F10: variants seen among roughly 807,000 people sequenced by gnomAD.
F10 encodes coagulation factor X, also known as Stuart-Prower factor.
In F10, 29 loss-of-function variants were observed where a neutral mutation model predicts 37.1. The observed-to-expected ratio is 0.78, with a 90% CI of 0.58 to 1.07. The LOEUF is 1.07. F10 is among the 50% of genes least tolerant of loss of function. The probability of loss-of-function intolerance (pLI) is 0.00; values close to 1 mark genes in which losing one functional copy is unlikely to be tolerated. For missense variants in F10, 539 were observed against 667.9 expected (o/e 0.81, Z 2.13); for synonymous variants, 262 against 268.6 (o/e 0.98, Z 0.24).
intron 4 of F10, among the ~76,000 whole-genome samples, chr13:113,140,073 C>CTT (rs11398393): frequency 0.4 from 50,232 of 125,142 alleles, 11,243 homozygotes; most frequent in East Asian, 0.51. Context: ...AATTGATCAT[C>CTT]TTTTTTTTTT....
At chr13:113,126,542 G>C (rs1225810053) in intron 1 of F10, among the ~76,000 whole-genome samples, 1 of 152,196 alleles carries the variant, frequency 6.6e-6, no homozygotes, top group Non-Finnish European at 1.5e-5. Flanking sequence ...GGCTCCAGTT[G>C]AGTGGGGACC....
At chr13:113,133,146 C>T (rs887068309) in intron 2 of F10, among the ~76,000 whole-genome samples, 8 of 151,552 alleles carry the variant, frequency 5.3e-5, no homozygotes, top group Non-Finnish European at 7.4e-5. Flanking sequence ...AAAAGAAAGA[C>T]GGTCTCAAAT....
At position 113,148,903 on chromosome 13, in the gene F10, T is replaced by C. The variant is rs1170093445; in HGVS notation, c.866-13T>C. ...CTGGCTGAGCTGAGCACAGTCCCACTCGTCTGTCCCAGGGGACCGGAACAC... is the reference window on the plus strand; with the variant it reads ...CTGGCTGAGCTGAGCACAGTCCCACCCGTCTGTCCCAGGGGACCGGAACAC... On this transcript the variant is annotated splice_polypyrimidine_tract_variant and intron_variant, in intron 7 of 7. Coordinates refer to ENST00000375559, the MANE Select transcript of F10 (RefSeq NM_000504.4). 6.2e-7 allele frequency: 1 copy of C among 1,612,032 alleles called. No individual in the cohort carries two copies. The highest frequency in any genetic ancestry group is 1.3e-5 in the African/African-American group (1 of 75,006).
At chr13:113,127,448 C>T (rs1233083238) in intron 1 of F10, among the ~76,000 whole-genome samples, 1 of 152,046 alleles carries the variant, frequency 6.6e-6, no homozygotes, top group East Asian at 1.9e-4. Context: ...AAAAAGACTA[C>T]AGAGGGCCAA....
rs2036560113 is a variant in F10, at chr13:113,144,218, A to G, written c.747+123A>G. 1 of 1,467,946 alleles carries G rather than the reference A, an allele frequency of 6.8e-7. No homozygotes were observed. The highest frequency in any genetic ancestry group is 1.4e-5 in the African/African-American group (1 of 72,130). 90.9% of individuals were successfully genotyped at this position (1,467,946 alleles called of 1,614,324 possible). On this transcript the variant is annotated intron_variant, in intron 6 of 7. Transcript: ENST00000375559. The surrounding 1 kb of genome is among the most constrained non-coding windows in gnomAD (Gnocchi z 6.4). ...AAGGAACTGTTCCGAACTAGGACAG[A>G]GGGGCTCCGCCACCCAAGCCTGCCT...
chr13:113,137,596 C>T (rs1272404949), intron 2 of F10, among the ~76,000 whole-genome samples: 1 of 152,162 alleles, frequency 6.6e-6, no homozygotes, highest in African/African-American at 2.4e-5. Context: ...ATTGTCGCAG[C>T]TTTGGAGACA....
rs2036525731 is a variant in F10, at chr13:113,141,297, C to T, written c.502+247C>T. Among the ~76,000 whole-genome samples, 5 of 152,238 alleles carry T rather than the reference C, an allele frequency of 3.3e-5. No homozygotes were observed. The highest frequency in any genetic ancestry group is 3.3e-4 in the Admixed American group (5 of 15,292). ...TGCTGTTTAACCTCAGCTTCCCCATCTGACAAATGGGACCAACACTATTGC... is the reference window on the plus strand; with the variant it reads ...TGCTGTTTAACCTCAGCTTCCCCATTTGACAAATGGGACCAACACTATTGC... On this transcript the variant is annotated intron_variant, in intron 5 of 7. Coordinates refer to ENST00000375559, the MANE Select transcript of F10 (RefSeq NM_000504.4). This position sits in a 1 kb window ranked among gnomAD's most constrained non-coding sequence, Gnocchi z 5.4.
Position 113,149,093 on chromosome 13 carries a change from G to T in F10, c.1043G>T (p.Trp348Leu). Residue 348 changes from tryptophan to leucine, a missense_variant, in exon 8 of 8, where the codon TGG (tryptophan) becomes TTG (leucine). Physicochemically the swap from Trp to Leu is moderately conservative, Grantham distance 61. This residue lies in a region of F10 where 409 missense variants were observed against 547.9 expected (regional missense o/e 0.75). Coordinates refer to ENST00000375559, the MANE Select transcript of F10 (RefSeq NM_000504.4). The surrounding 1 kb of genome is among the most constrained non-coding windows in gnomAD (Gnocchi z 7.5). The part of the protein sequence containing the change: ...VAPACLPERD[W>L]AESTLMTQKT... ...CCTGCCTGCCTCCCCGAGCGTGACT[G>T]GGCCGAGTCCACGCTGATGACGCAG... is the stretch of plus-strand genomic sequence containing the variant. 1 of 1,613,192 alleles carries T rather than the reference G, an allele frequency of 6.2e-7. No homozygotes were observed. Among genetic ancestry groups the T allele is most frequent in the Non-Finnish European group, 8.5e-7 (1 of 1,179,994 alleles).
Position 113,147,402 on chromosome 13 carries a change from C to G in F10, c.771C>G (p.Asn257Lys). 6.2e-7 allele frequency: 1 copy of G among 1,613,460 alleles called. No individual in the cohort carries two copies. Among genetic ancestry groups the G allele is most frequent in the East Asian group, 2.2e-5 (1 of 44,878 alleles). The change falls in exon 7 of 8, where the codon AAC becomes AAG. Residue 257 changes from asparagine (N) to lysine (K), a missense_variant. This residue lies in a region of F10 where 409 missense variants were observed against 547.9 expected (regional missense o/e 0.75). Transcript: ENST00000375559. ...AGGCCCTGCTCATCAATGAGGAAAA[C>G]GAGGGTTTCTGTGGTGGAACCATTC... ...PWQALLINEE[N>K]EGFCGGTILS...
chr13:113,143,972 G>T lies in F10; in HGVS notation c.624G>T (p.Leu208=), dbSNP rs1184571373. ...GGAAGCCATATGATGCAGCCGACCT[G>T]GACCCCACCGAGAACCCCTTCGACC... is the stretch of plus-strand genomic sequence containing the variant. ...ITWKPYDAAD[L]DPTENPFDLL... The change falls in exon 6 of 8, where the codon CTG becomes CTT. Residue 208 remains leucine (L), a synonymous_variant. Transcript: ENST00000375559. The surrounding 1 kb of genome is among the most constrained non-coding windows in gnomAD (Gnocchi z 6.8). 6.2e-7 allele frequency: 1 copy of T among 1,613,460 alleles called. No homozygotes were observed. Among genetic ancestry groups the T allele is most frequent in the Non-Finnish European group, 8.5e-7 (1 of 1,179,976 alleles).
In F10 at chr13:113,146,284, C is replaced by T. The variant is rs993448538; in HGVS notation, c.748-1095C>T. Among the ~76,000 whole-genome samples, 1 of 152,190 alleles carries T rather than the reference C, an allele frequency of 6.6e-6. No individual in the cohort carries two copies. The highest frequency in any genetic ancestry group is 2.4e-5 in the African/African-American group (1 of 41,442). ...TAGTTAGGGAGCTGAGACCGAAATC[C>T]TCCCAGTCCCAGGCACTGTGTGGTT... On this transcript the variant is annotated intron_variant, in intron 6 of 7. Coordinates refer to ENST00000375559, the MANE Select transcript of F10 (RefSeq NM_000504.4). This position sits in a 1 kb window ranked among gnomAD's most constrained non-coding sequence, Gnocchi z 4.5.
intron 2 of F10, among the ~76,000 whole-genome samples, chr13:113,137,436 C>T (rs2036489242): frequency 6.6e-6 from 1 of 152,108 alleles, no homozygotes; most frequent in African/African-American, 2.4e-5. Flanking sequence ...ACAGAAGTCT[C>T]TCCATGTGTT....
chr13:113,144,965 A>G lies in F10; in HGVS notation c.747+870A>G, dbSNP rs577925228. The stretch of plus-strand genomic sequence containing the variant: ...GCGATCTCGGCTCACTGCAACCTCC[A>G]CCTCCCAGGTTCATGTCATTCTCCT... On this transcript the variant is annotated intron_variant, in intron 6 of 7. Coordinates refer to ENST00000375559, the MANE Select transcript of F10 (RefSeq NM_000504.4). This position sits in a 1 kb window ranked among gnomAD's most constrained non-coding sequence, Gnocchi z 6.4. Among the ~76,000 whole-genome samples the G allele has an allele frequency of 3.3e-5, 5 of 149,626 alleles. No individual in the cohort carries two copies. Among genetic ancestry groups the G allele is most frequent in the South Asian group, 2.1e-4 (1 of 4,712 alleles).
chr13:113,149,437 G>T lies in F10; in HGVS notation c.1387G>T (p.Asp463Tyr). Residue 463 changes from aspartate to tyrosine, a missense_variant, in exon 8 of 8, where the codon GAC (aspartate) becomes TAC (tyrosine). By Grantham distance (160) the Asp-to-Tyr change is radical (BLOSUM62 -3). Around this residue, in one of 2 missense-constraint regions of F10, gnomAD observed 409 missense variants for 547.9 expected, o/e 0.75. Coordinates refer to ENST00000375559, the MANE Select transcript of F10 (RefSeq NM_000504.4). The surrounding 1 kb of genome is among the most constrained non-coding windows in gnomAD (Gnocchi z 7.5). ...TKVTAFLKWI[D>Y]RSMKTRGLPK... ...GGTCACCGCCTTCCTCAAGTGGATCGACAGGTCCATGAAAACCAGGGGCTT... is the reference window on the plus strand; with the variant it reads ...GGTCACCGCCTTCCTCAAGTGGATCTACAGGTCCATGAAAACCAGGGGCTT... The T allele has an allele frequency of 2.5e-6, 4 of 1,613,322 alleles. No individual in the cohort carries two copies. Among genetic ancestry groups the T allele is most frequent in the Non-Finnish European group, 2.5e-6 (3 of 1,179,918 alleles).
intron 6 of F10, among the ~76,000 whole-genome samples, chr13:113,145,676 C>T (rs1175054462): frequency 6.6e-6 from 1 of 152,164 alleles, no homozygotes; most frequent in Non-Finnish European, 1.5e-5. Context: ...CTGGGGAGGC[C>T]TCACCGTCAC....
chr13:113,143,699 A>AAT lies in F10; in HGVS notation c.503-152_503-151insAT. On this transcript the variant is annotated intron_variant, in intron 5 of 7. Coordinates refer to ENST00000375559, the MANE Select transcript of F10 (RefSeq NM_000504.4). This position sits in a 1 kb window ranked among gnomAD's most constrained non-coding sequence, Gnocchi z 6.8. ...CCTGCAGATCCGACCCCTGCCGACG[A>AAT]CGTGGGGCCTCGCCCTGCAAGCCCG... 1.2e-5 allele frequency: 14 copies of AAT among 1,203,504 alleles called. No homozygotes were observed. Among genetic ancestry groups the AAT allele is most frequent in the Admixed American group, 1.1e-4 (5 of 46,640 alleles). The allele number at this position is 1,203,504 out of a possible 1,614,324, so 74.6% of individuals were successfully genotyped here.
In F10 at chr13:113,141,226, G is replaced by A. The variant is rs749021682; in HGVS notation, c.502+176G>A. 6.6e-6 allele frequency among the ~76,000 whole-genome samples: 1 copy of A among 152,212 alleles called. No individual in the cohort carries two copies. The highest frequency in any genetic ancestry group is 2.4e-5 in the African/African-American group (1 of 41,456). ...CGGGCCCAGGTGGTTCAAACATGAA[G>A]ACCATGAGGTTTGGAAACAGACCCA... is the stretch of plus-strand genomic sequence containing the variant. On this transcript the variant is annotated intron_variant, in intron 5 of 7. Coordinates refer to ENST00000375559, the MANE Select transcript of F10 (RefSeq NM_000504.4). The surrounding 1 kb of genome is among the most constrained non-coding windows in gnomAD (Gnocchi z 5.4).
At position 113,146,093 on chromosome 13, in the gene F10, C is replaced by T. The variant is rs2138552363; in HGVS notation, c.748-1286C>T. On this transcript the variant is annotated intron_variant, in intron 6 of 7. Transcript: ENST00000375559. The surrounding 1 kb of genome is among the most constrained non-coding windows in gnomAD (Gnocchi z 4.5). The stretch of plus-strand genomic sequence containing the variant: ...ACCCCAGACCGTGTGGCGGGTGAGC[C>T]TCTGTCTAACTATAAAGAGCCAAGC... Among the ~76,000 whole-genome samples the T allele has an allele frequency of 6.6e-6, 1 of 152,296 alleles. No homozygotes were observed. Among genetic ancestry groups the T allele is most frequent in the South Asian group, 2.1e-4 (1 of 4,824 alleles).
rs551395830 is a variant in F10 at position 113,143,746 on chromosome 13, C to T, written c.503-105C>T. The T allele has an allele frequency of 2.7e-5, 43 of 1,564,052 alleles. No individual in the cohort carries two copies. Among genetic ancestry groups the T allele is most frequent in the Admixed American group, 3.4e-5 (2 of 58,782 alleles). On this transcript the variant is annotated intron_variant, in intron 5 of 7. Transcript: ENST00000375559. This position sits in a 1 kb window ranked among gnomAD's most constrained non-coding sequence, Gnocchi z 6.8. ...CCCGCTGCCCCTCCGGGTGCCCCTG[C>T]GCTCTGCCTCCCGGCTCTCTGACTC...
Sources: allele counts gnomAD v4.1 joint callset (sites outside exome capture counted in the v4.1 genomes callset), GRCh38; gene constraint gnomAD v4.1.1; regional missense constraint gnomAD v4.1.1; non-coding constraint Gnocchi (gnomAD v3.1); transcripts MANE v1.5; gene names NCBI Gene and HGNC (gene_info 2026-07-23, HGNC 2026-07-21).